The following PTPRD variants were observed in gnomAD, a reference collection of about 807,000 sequenced individuals.
The protein encoded by PTPRD is receptor-type tyrosine-protein phosphatase delta.
A neutral mutation model predicts 214.5 loss-of-function variants in PTPRD; 34 were observed. That is an observed-to-expected ratio of 0.16 (90% CI 0.12 to 0.21). The LOEUF (loss-of-function observed/expected upper bound fraction) is 0.21. Ranked by LOEUF, PTPRD falls within the 10% of genes least tolerant of loss-of-function variation. The pLI is 1.00. For missense variants in PTPRD, 2,545 were observed against 2,398.7 expected (o/e 1.06, Z -1.27); for synonymous variants, 1,128 against 845.7 (o/e 1.33, Z -5.79).
intron 9 of PTPRD, among the ~76,000 whole-genome samples, chr9:9,292,788 G>C (rs1383072597): frequency 1.3e-5 from 2 of 151,284 alleles, no homozygotes; most frequent in African/African-American, 4.8e-5. Flanking sequence ...TGACAGATTT[G>C]AGGAGTACTG....
chr9:9,272,595 C>G (rs1943395726), intron 9 of PTPRD, among the ~76,000 whole-genome samples: 1 of 151,270 alleles, frequency 6.6e-6, no homozygotes, highest in Non-Finnish European at 1.5e-5. Flanking sequence ...CTGTAGTGGT[C>G]CGTTGACGAA....
chr9:10,231,016 T>A (rs1035578274), intron 3 of PTPRD, among the ~76,000 whole-genome samples: 1 of 151,958 alleles, frequency 6.6e-6, no homozygotes, highest in African/African-American at 2.4e-5. Context: ...GGGCTGCTAG[T>A]CATCTACCTG....
At chr9:9,198,348 T>G (rs1475351501) in intron 9 of PTPRD, among the ~76,000 whole-genome samples, 2 of 152,114 alleles carry the variant, frequency 1.3e-5, no homozygotes, top group Admixed American at 1.3e-4. Context: ...AAGTGTCCAT[T>G]TAAAGTTTCA....
At chr9:9,908,502 G>C (rs2078254005) in intron 5 of PTPRD, among the ~76,000 whole-genome samples, 1 of 152,016 alleles carries the variant, frequency 6.6e-6, no homozygotes, top group South Asian at 2.1e-4. Flanking sequence ...CATCCTTTCT[G>C]CTGGGAGTAT....
At chr9:8,728,671 T>C (rs2098616446) in intron 12 of PTPRD, among the ~76,000 whole-genome samples, 2 of 152,204 alleles carry the variant, frequency 1.3e-5, no homozygotes, top group African/African-American at 2.4e-5. Context: ...ACATCATCAT[T>C]TTCCTATTCC....
chr9:10,025,219 A>G (rs1318607302), intron 4 of PTPRD, among the ~76,000 whole-genome samples: 6 of 152,136 alleles, frequency 3.9e-5, no homozygotes, highest in African/African-American at 1.2e-4. Flanking sequence ...GACTTCCACA[A>G]TGGTTGAACT....
At chr9:10,101,712 T>C (rs2154214426) in intron 3 of PTPRD, among the ~76,000 whole-genome samples, 1 of 151,798 alleles carries the variant, frequency 6.6e-6, no homozygotes, top group Middle Eastern at 3.4e-3. Context: ...TAAAAGCTAA[T>C]TTTATATTGG....
intron 3 of PTPRD, among the ~76,000 whole-genome samples, chr9:10,102,232 A>C (rs2098557714): frequency 1.3e-5 from 2 of 151,632 alleles, no homozygotes; most frequent in Admixed American, 1.3e-4. Context: ...TTATCTTTTG[A>C]GACTCACATT....
chr9:10,442,617 T>A (rs1289260246), intron 2 of PTPRD, among the ~76,000 whole-genome samples: 1 of 151,556 alleles, frequency 6.6e-6, no homozygotes, highest in African/African-American at 2.4e-5. Context: ...TGGTAGCAAA[T>A]AGTCAGAGAA....
intron 8 of PTPRD, among the ~76,000 whole-genome samples, chr9:9,437,340 T>A (rs1000531032): frequency 2.6e-5 from 4 of 152,194 alleles, no homozygotes; most frequent in Non-Finnish European, 4.4e-5. Flanking sequence ...TTTCACAAAA[T>A]AAGCTGAATA....
chr9:10,442,005 T>C (rs1339221928), intron 2 of PTPRD, among the ~76,000 whole-genome samples: 1 of 151,742 alleles, frequency 6.6e-6, no homozygotes, highest in East Asian at 1.9e-4. Flanking sequence ...TTAAAGCTTA[T>C]TTTTTATTTT....
intron 4 of PTPRD, among the ~76,000 whole-genome samples, chr9:10,022,955 A>G (rs2096852485): frequency 6.6e-6 from 1 of 152,172 alleles, no homozygotes; most frequent in Non-Finnish European, 1.5e-5. Flanking sequence ...TACTGGCTTT[A>G]TATAAAGCTG....
chr9:9,541,798 A>G (rs1304587490), intron 8 of PTPRD, among the ~76,000 whole-genome samples: 1 of 151,788 alleles, frequency 6.6e-6, no homozygotes, highest in Admixed American at 6.6e-5. Flanking sequence ...GTCTGGCTGA[A>G]GAGTGGCAGC....
At chr9:8,687,562 A>T (rs1430231250) in intron 12 of PTPRD, among the ~76,000 whole-genome samples, 1 of 152,240 alleles carries the variant, frequency 6.6e-6, no homozygotes, top group African/African-American at 2.4e-5. Context: ...CTGAAGTTAC[A>T]GCCAAGGTCG....
At chr9:8,702,963 A>T (rs1406858714) in intron 12 of PTPRD, among the ~76,000 whole-genome samples, 1 of 152,194 alleles carries the variant, frequency 6.6e-6, no homozygotes, top group Non-Finnish European at 1.5e-5. Context: ...CATTTTGGGG[A>T]GAGTTAGCAC....
chr9:10,346,287 T>G (rs2097080142), intron 2 of PTPRD, among the ~76,000 whole-genome samples: 2 of 152,304 alleles, frequency 1.3e-5, no homozygotes, highest in South Asian at 4.1e-4. Context: ...TTATTGACCT[T>G]GTTATGTCCA....
At chr9:9,658,027 A>G (rs1349158692) in intron 7 of PTPRD, among the ~76,000 whole-genome samples, 5 of 152,166 alleles carry the variant, frequency 3.3e-5, no homozygotes, top group Admixed American at 6.5e-5. Context: ...TCGCTAAAAT[A>G]TTTGCCTCCA....
At chr9:8,573,428 G>A (rs2091659323) in intron 14 of PTPRD, among the ~76,000 whole-genome samples, 1 of 151,908 alleles carries the variant, frequency 6.6e-6, no homozygotes, top group Non-Finnish European at 1.5e-5. Flanking sequence ...TTTCTTGAGT[G>A]TTAGGAAATT....
intron 5 of PTPRD, among the ~76,000 whole-genome samples, chr9:9,862,780 T>G (rs552762971): frequency 6.6e-6 from 1 of 152,202 alleles, no homozygotes; most frequent in East Asian, 1.9e-4. Flanking sequence ...AACCAAAGTA[T>G]GTATTGGATT....
Sources: allele counts gnomAD v4.1 joint callset (sites outside exome capture counted in the v4.1 genomes callset), GRCh38; gene constraint gnomAD v4.1.1; transcripts MANE v1.5; gene names NCBI Gene and HGNC (gene_info 2026-07-23, HGNC 2026-07-21).